The following FREM2 variants were observed in gnomAD, a reference collection of about 807,000 sequenced individuals.
The protein encoded by FREM2 is FRAS1 related extracellular matrix 2, also known as FRAS1-related extracellular matrix protein 2.
Under a neutral mutation model 219.9 loss-of-function variants are expected in FREM2, and 119 were observed. The ratio of observed to expected loss-of-function variants is 0.54; its 90% CI spans 0.47 to 0.63. The LOEUF (loss-of-function observed/expected upper bound fraction) is 0.63. FREM2 is among the 30% of genes least tolerant of loss of function. The probability of loss-of-function intolerance (pLI) is 0.00; values close to 1 mark genes in which losing one functional copy is unlikely to be tolerated. For synonymous variants in FREM2, 1,562 were observed against 1,522.8 expected, an observed-to-expected ratio of 1.03 and a Z score of -0.60; for missense variants, 4,030 against 3,993.6, an observed-to-expected ratio of 1.01 and a Z score of -0.25.
chr13:38,760,943 T>C (rs1873204055), intron 2 of FREM2, among the ~76,000 whole-genome samples: 1 of 152,138 alleles, frequency 6.6e-6, no homozygotes, highest in Non-Finnish European at 1.5e-5. Context: ...GGGCTTGCTG[T>C]TTTATAAAAA....
chr13:38,855,124 A>G (rs555654145), intron 11 of FREM2, among the ~76,000 whole-genome samples: 2 of 144,092 alleles, frequency 1.4e-5, no homozygotes, highest in Admixed American at 1.4e-4. Context: ...TGAGTGGTTA[A>G]GAAAATAATT....
At chr13:38,726,891 T>G (rs1263163150) in intron 2 of FREM2, among the ~76,000 whole-genome samples, 1 of 152,204 alleles carries the variant, frequency 6.6e-6, no homozygotes, top group Non-Finnish European at 1.5e-5. Context: ...AATCTGATAG[T>G]TGTTTCTAAA....
intron 6 of FREM2, among the ~76,000 whole-genome samples, chr13:38,809,501 G>A (rs1443843054): frequency 1.3e-5 from 2 of 151,856 alleles, no homozygotes; most frequent in Non-Finnish European, 1.5e-5. Flanking sequence ...TTTGATGTTT[G>A]TATAAGGCGA....
chr13:38,827,091 A>G (rs1485542350), intron 6 of FREM2, among the ~76,000 whole-genome samples: 1 of 152,088 alleles, frequency 6.6e-6, no homozygotes, highest in African/African-American at 2.4e-5. Context: ...CAGACTCTTA[A>G]CCATTTTCAG....
rs1156427483 is a variant in FREM2 at position 38,876,367 on chromosome 13, C to T, written c.8529C>T (p.Asp2843=). 3 of 1,613,646 alleles carry T rather than the reference C, an allele frequency of 1.9e-6. No homozygotes were observed. The highest frequency in any genetic ancestry group is 2.5e-6 in the Non-Finnish European group (3 of 1,179,800). Residue 2843 remains aspartate (D), a synonymous_variant, in exon 20 of 24, where the codon GAC becomes GAT. Transcript: ENST00000280481. ...NPREPVTFDL[D]IRFQQVSDPV... is the part of the protein sequence containing the mutation. ...GAGAACCTGTCACCTTTGACCTTGA[C>T]ATCCGATTCCAACAGGTGTGGCTTA...
intron 15 of FREM2, among the ~76,000 whole-genome samples, chr13:38,862,836 G>A (rs1877812286): frequency 1.3e-5 from 2 of 152,272 alleles, no homozygotes; most frequent in South Asian, 4.1e-4. Context: ...CATAAAGATG[G>A]TATGGAATTC....
At chr13:38,699,430 T>C (rs1357705164) in intron 2 of FREM2, among the ~76,000 whole-genome samples, 1 of 152,136 alleles carries the variant, frequency 6.6e-6, no homozygotes, top group Non-Finnish European at 1.5e-5. Context: ...TATTTCAAAA[T>C]ATTAAGTGCA....
intron 6 of FREM2, among the ~76,000 whole-genome samples, chr13:38,826,765 T>C (rs1876304437): frequency 6.6e-6 from 1 of 152,140 alleles, no homozygotes; most frequent in African/African-American, 2.4e-5. Context: ...AAAATCTTAC[T>C]TATAAAATTT....
At chr13:38,697,498 G>C in intron 1 of FREM2, among the ~76,000 whole-genome samples, 200 bp from the exon 2 acceptor site, 1 of 152,288 alleles carries the variant, frequency 6.6e-6, no homozygotes, top group Non-Finnish European at 1.5e-5. Flanking sequence ...GTATTTATCT[G>C]TGTGAGGGAT....
At chr13:38,837,443 A>G (rs1191757976) in intron 6 of FREM2, among the ~76,000 whole-genome samples, 2 of 152,150 alleles carry the variant, frequency 1.3e-5, no homozygotes, top group African/African-American at 2.4e-5. Flanking sequence ...AGTTCTGTAG[A>G]TGTTTATTAG....
At chr13:38,696,810 CTT>C (rs71694503) in intron 1 of FREM2, among the ~76,000 whole-genome samples, 25 of 143,566 alleles carry the variant, frequency 1.7e-4, no homozygotes, top group Non-Finnish European at 1.7e-4. Context: ...AAGGTTTCCA[CTT>C]TTTTTTTTTT....
rs561365120 is a variant in FREM2, at chr13:38,839,052, A to T, written c.6020-7521A>T. ...GGAGAAGAGGCATTCTGGTTTTTGG[A>T]ATTTTCAGCCTCTTTGTGCTGATTT... On this transcript the variant is annotated intron_variant, in intron 6 of 23. Transcript: ENST00000280481. Among the ~76,000 whole-genome samples the T allele has an allele frequency of 7.2e-5, 11 of 151,966 alleles. No individual in the cohort carries two copies. The South Asian group carries it at 2.3e-3, about 32-fold the overall frequency.
chr13:38,846,849 A>C (rs1877177005), intron 7 of FREM2, 127 bp downstream of exon 7: 1 of 1,027,038 alleles, frequency 9.7e-7, no homozygotes, highest in Non-Finnish European at 1.5e-6. Context: ...GTTTTTGCTG[A>C]AATTATTACT....
chr13:38,851,959 A>G, intron 11 of FREM2, 91 bp downstream of exon 11: 1 of 1,197,496 alleles, frequency 8.4e-7, no homozygotes, highest in South Asian at 1.2e-5. Context: ...GGAAACATCC[A>G]ATTGAAATCA....
chr13:38,708,534 A>G (rs145199691), intron 2 of FREM2, among the ~76,000 whole-genome samples: 9,392 of 151,950 alleles, frequency 0.062, 791 homozygotes, highest in African/African-American at 0.19. Context: ...TGTGCCTGTA[A>G]TCCCAGCTAC....
chr13:38,834,409 G>A (rs532553642), intron 6 of FREM2, among the ~76,000 whole-genome samples: 18 of 151,888 alleles, frequency 1.2e-4, no homozygotes, highest in African/African-American at 4.3e-4. Context: ...TCTTTATCCA[G>A]TCTAACGTTG....
At chr13:38,742,007 T>G (rs190554082) in intron 2 of FREM2, among the ~76,000 whole-genome samples, 2 of 152,268 alleles carry the variant, frequency 1.3e-5, no homozygotes, top group Non-Finnish European at 1.5e-5. Flanking sequence ...CAACGGAACA[T>G]GTGTTTTGAG....
Position 38,690,570 on chromosome 13 carries a change from A to G in FREM2, c.3226A>G (p.Ile1076Val), listed in dbSNP as rs974301203. 1 of 1,614,148 alleles carries G rather than the reference A, an allele frequency of 6.2e-7. No individual in the cohort carries two copies. The highest frequency in any genetic ancestry group is 8.5e-7 in the Non-Finnish European group (1 of 1,180,018). The change falls in exon 1 of 24, where the codon ATA becomes GTA. Residue 1076 changes from isoleucine (I) to valine (V), a missense_variant. Transcript: ENST00000280481. ...AGAAATCTTTGTAGGTGAACAGTTG[A>G]TAGTAATGGAAGGTGATAAAAGTGT... ...APEIFVGEQL[I>V]VMEGDKSVIT...
intron 2 of FREM2, among the ~76,000 whole-genome samples, chr13:38,724,632 G>A (rs752400320): frequency 3.3e-5 from 5 of 152,308 alleles, no homozygotes; most frequent in Admixed American, 2.0e-4. Context: ...AAACAAAAAA[G>A]TAAATTTATT....
Sources: gnomAD v4.1 joint callset for allele counts (sites outside exome capture counted in the v4.1 genomes callset) on GRCh38, gnomAD v4.1.1 for gene constraint, MANE v1.5 for transcripts, NCBI Gene and HGNC (gene_info 2026-07-23, HGNC 2026-07-21) for gene names.